The following NCKAP5 variants were observed in gnomAD, a reference collection of about 807,000 sequenced individuals.
NCKAP5 encodes the protein NCK associated protein 5, also known as nck-associated protein 5.
In NCKAP5, 92 loss-of-function variants were observed where a neutral mutation model predicts 167.0. The observed-to-expected ratio is 0.55, with a 90% CI of 0.47 to 0.66. The LOEUF (loss-of-function observed/expected upper bound fraction) is 0.66. Ranked by LOEUF, NCKAP5 falls within the 30% of genes least tolerant of loss-of-function variation. The pLI is 0.00. For synonymous variants in NCKAP5, 891 were observed against 877.4 expected, an observed-to-expected ratio of 1.02 and a Z score of -0.27; for missense variants, 2,378 against 2,315.0, an observed-to-expected ratio of 1.03 and a Z score of -0.56.
the NCKAP5 span, among the ~76,000 whole-genome samples, chr2:133,627,255 CA>C: frequency 6.6e-6 from 1 of 152,064 alleles, no homozygotes; most frequent in African/African-American, 2.4e-5. Flanking sequence ...AAATGAAATT[CA>C]TTCTCAACAA....
At chr2:132,685,556 AG>A (rs1685818169) in intron 19 of NCKAP5, among the ~76,000 whole-genome samples, 1 of 152,170 alleles carries the variant, frequency 6.6e-6, no homozygotes. Context: ...AAGGTAAGGA[AG>A]CACTGGGTAA....
the NCKAP5 span, among the ~76,000 whole-genome samples, chr2:133,604,359 C>G: frequency 2.0e-5 from 3 of 152,024 alleles, no homozygotes; most frequent in African/African-American, 7.3e-5. Flanking sequence ...ACACATGCCA[C>G]CACGCCTGGC....
chr2:132,798,403 T>C (rs1684773406), intron 11 of NCKAP5, among the ~76,000 whole-genome samples: 1 of 152,182 alleles, frequency 6.6e-6, no homozygotes, highest in African/African-American at 2.4e-5. Context: ...GCCAAAAGAA[T>C]TACAATGTTG....
chr2:132,867,154 G>A (rs1225700301), intron 10 of NCKAP5, among the ~76,000 whole-genome samples: 1 of 151,490 alleles, frequency 6.6e-6, no homozygotes, highest in Non-Finnish European at 1.5e-5. Flanking sequence ...GAAGGGTCCC[G>A]TTTTCCTTTT....
chr2:133,326,733 A>C (rs1327422281), intron 3 of NCKAP5, among the ~76,000 whole-genome samples: 1 of 152,054 alleles, frequency 6.6e-6, no homozygotes, highest in Non-Finnish European at 1.5e-5. Flanking sequence ...CTTTGACGTC[A>C]CTCTCAGAGC....
intron 3 of NCKAP5, among the ~76,000 whole-genome samples, chr2:133,473,424 G>A (rs756070491): frequency 3.3e-5 from 5 of 152,164 alleles, no homozygotes; most frequent in Non-Finnish European, 7.3e-5. Context: ...GAGGACTTGT[G>A]AAATCAGAGC....
intron 3 of NCKAP5, among the ~76,000 whole-genome samples, chr2:133,308,372 G>A (rs1680955653): frequency 6.6e-6 from 1 of 152,100 alleles, no homozygotes; most frequent in African/African-American, 2.4e-5. Flanking sequence ...ACAGGCGTGA[G>A]CCACCGCGCC....
chr2:133,538,555 A>C (rs1333671416), intron 2 of NCKAP5, among the ~76,000 whole-genome samples: 1 of 152,142 alleles, frequency 6.6e-6, no homozygotes, highest in Non-Finnish European at 1.5e-5. Context: ...TGAACAAAAA[A>C]AAAACTGAGC....
intron 6 of NCKAP5, among the ~76,000 whole-genome samples, chr2:133,061,682 C>G (rs1395913090): frequency 6.6e-6 from 1 of 152,200 alleles, no homozygotes; most frequent in Non-Finnish European, 1.5e-5. Flanking sequence ...CAAACCTCCT[C>G]TTTCGATTTG....
chr2:133,513,088 A>C (rs925946681), intron 3 of NCKAP5, among the ~76,000 whole-genome samples: 5 of 152,336 alleles, frequency 3.3e-5, no homozygotes, highest in Non-Finnish European at 4.4e-5. Context: ...CACTCAAAGC[A>C]TCTAACTGAG....
At chr2:133,435,262 A>G (rs1457252649) in intron 3 of NCKAP5, among the ~76,000 whole-genome samples, 1 of 152,242 alleles carries the variant, frequency 6.6e-6, no homozygotes, top group African/African-American at 2.4e-5. Flanking sequence ...TCTCCAGGAC[A>G]TCTGAAACAA....
intron 5 of NCKAP5, among the ~76,000 whole-genome samples, chr2:133,190,649 G>C (rs1055127310): frequency 1.3e-5 from 2 of 152,114 alleles, no homozygotes; most frequent in African/African-American, 4.8e-5. Flanking sequence ...TGACAAACCT[G>C]ACAAAAAGAA....
chr2:132,822,578 C>T (rs1181421431), intron 11 of NCKAP5, among the ~76,000 whole-genome samples: 2 of 152,116 alleles, frequency 1.3e-5, no homozygotes, highest in African/African-American at 2.4e-5. Context: ...TAGGTCTGGC[C>T]TCTCCATTGA....
At chr2:133,138,936 G>A (rs1022675479) in intron 5 of NCKAP5, among the ~76,000 whole-genome samples, 4 of 152,146 alleles carry the variant, frequency 2.6e-5, no homozygotes, top group African/African-American at 9.7e-5. Flanking sequence ...CTAACCCTCA[G>A]TCACAGTGTG....
intron 3 of NCKAP5, among the ~76,000 whole-genome samples, chr2:133,318,307 A>G (rs1230919191): frequency 6.6e-6 from 1 of 152,166 alleles, no homozygotes. Context: ...CTTTTTTCCA[A>G]TAAAGAGACT....
At chr2:132,872,806 T>C (rs1350171905) in intron 9 of NCKAP5, among the ~76,000 whole-genome samples, 2 of 152,246 alleles carry the variant, frequency 1.3e-5, no homozygotes, top group Admixed American at 6.5e-5. Context: ...TTGATTGTAC[T>C]GAGGCAGCTA....
intron 6 of NCKAP5, among the ~76,000 whole-genome samples, chr2:133,034,757 A>AT: frequency 6.6e-6 from 1 of 152,174 alleles, no homozygotes; most frequent in Admixed American, 6.5e-5. Context: ...AAACTAAAAA[A>AT]CATACAATGA....
chr2:132,798,499 G>A (rs1008516958), intron 11 of NCKAP5, among the ~76,000 whole-genome samples: 2 of 152,142 alleles, frequency 1.3e-5, no homozygotes, highest in Admixed American at 6.5e-5. Flanking sequence ...GATTTTGAGT[G>A]GTATATCATC....
At chr2:132,857,745 T>C (rs1689584280) in intron 11 of NCKAP5, among the ~76,000 whole-genome samples, 1 of 152,170 alleles carries the variant, frequency 6.6e-6, no homozygotes, top group Admixed American at 6.5e-5. Context: ...TTCTAGAAAA[T>C]GAAATCAATA....
Sources: gnomAD v4.1 joint callset for allele counts (sites outside exome capture counted in the v4.1 genomes callset) on GRCh38, gnomAD v4.1.1 for gene constraint, MANE v1.5 for transcripts, NCBI Gene and HGNC (gene_info 2026-07-23, HGNC 2026-07-21) for gene names.